CNTN5: variants seen among roughly 807,000 people sequenced by gnomAD.
CNTN5 encodes the protein contactin 5.
Under a neutral mutation model 129.1 loss-of-function variants are expected in CNTN5, and 77 were observed. That is an observed-to-expected ratio of 0.60 (90% CI 0.50 to 0.72). The LOEUF (loss-of-function observed/expected upper bound fraction) is 0.72, where lower values mean the gene tolerates loss of function less well. CNTN5 is among the 30% of genes least tolerant of loss of function. CNTN5 has a pLI of 0.00. For missense variants in CNTN5, 1,478 were observed against 1,328.8 expected (o/e 1.11, Z -1.75); for synonymous variants, 509 against 465.6 (o/e 1.09, Z -1.20).
At chr11:99,695,944 T>G (rs932030371) in intron 3 of CNTN5, among the ~76,000 whole-genome samples, 12 of 152,028 alleles carry the variant, frequency 7.9e-5, no homozygotes, top group African/African-American at 2.9e-4. Context: ...CATACAAAAG[T>G]TTTAAAATAA....
chr11:99,095,857 G>A (rs1490460938), intron 1 of CNTN5, among the ~76,000 whole-genome samples: 1 of 151,834 alleles, frequency 6.6e-6, no homozygotes, highest in Non-Finnish European at 1.5e-5. Context: ...AACTTACATT[G>A]AGAGACATGA....
At chr11:99,409,669 G>A (rs770348375) in intron 2 of CNTN5, among the ~76,000 whole-genome samples, 1 of 152,172 alleles carries the variant, frequency 6.6e-6, no homozygotes, top group African/African-American at 2.4e-5. Context: ...AAAACAAGGA[G>A]AGAAAAATAG....
chr11:99,824,015 C>T (rs765657519), intron 4 of CNTN5, among the ~76,000 whole-genome samples: 42 of 151,958 alleles, frequency 2.8e-4, no homozygotes, highest in Non-Finnish European at 5.6e-4. Flanking sequence ...ATTTCATTTC[C>T]TGTAAAGCAT....
chr11:99,927,692 AC>A (rs1425688538), intron 7 of CNTN5, among the ~76,000 whole-genome samples: 1 of 152,080 alleles, frequency 6.6e-6, no homozygotes, highest in Non-Finnish European at 1.5e-5. Flanking sequence ...ATTACCTCTC[AC>A]CAGGTCCCTC....
chr11:99,596,331 G>C (rs913359921), intron 3 of CNTN5, among the ~76,000 whole-genome samples: 3 of 152,184 alleles, frequency 2.0e-5, no homozygotes, highest in African/African-American at 7.2e-5. Flanking sequence ...TAATAGCATA[G>C]TAAGAGCAAG....
intron 6 of CNTN5, among the ~76,000 whole-genome samples, chr11:99,852,141 T>G (rs1229025820): frequency 6.6e-6 from 1 of 152,186 alleles, no homozygotes; most frequent in Non-Finnish European, 1.5e-5. Flanking sequence ...AACTTTATCT[T>G]CCATATACAA....
intron 16 of CNTN5, among the ~76,000 whole-genome samples, chr11:100,244,777 G>T (rs1591431901): frequency 6.6e-6 from 1 of 152,084 alleles, no homozygotes; most frequent in African/African-American, 2.4e-5. Flanking sequence ...AATCATTTAA[G>T]AAATTTTACT....
At chr11:99,262,503 T>C (rs1365359147) in intron 1 of CNTN5, among the ~76,000 whole-genome samples, 2 of 151,990 alleles carry the variant, frequency 1.3e-5, no homozygotes, top group Admixed American at 1.3e-4. Flanking sequence ...TTTTATTTTG[T>C]CTACTCTATA....
intron 3 of CNTN5, among the ~76,000 whole-genome samples, chr11:99,758,258 A>G (rs1944467228): frequency 6.6e-6 from 1 of 151,860 alleles, no homozygotes; most frequent in Non-Finnish European, 1.5e-5. Flanking sequence ...TTCTTTTTTT[A>G]TTTAATTGTT....
At chr11:99,617,003 C>T (rs1037777510) in intron 3 of CNTN5, among the ~76,000 whole-genome samples, 7 of 152,076 alleles carry the variant, frequency 4.6e-5, no homozygotes, top group South Asian at 2.1e-4. Context: ...CCCAGCTACT[C>T]GGGAGGCTGA....
rs185716173 is a variant in CNTN5, at chr11:99,823,605, C to A, written c.277+3840C>A. 2.6e-5 allele frequency among the ~76,000 whole-genome samples: 4 copies of A among 152,064 alleles called. No individual in the cohort carries two copies. The East Asian group carries it at 7.7e-4, about 29-fold the overall frequency. ...CATAGTTTATATTAAATGTATTATT[C>A]TTTATTCATTACATTAGAAATTGTC... On this transcript the variant is annotated intron_variant, in intron 4 of 24. Coordinates refer to ENST00000524871, the MANE Select transcript of CNTN5 (RefSeq NM_014361.4).
intron 1 of CNTN5, among the ~76,000 whole-genome samples, chr11:99,167,883 A>G (rs899701166): frequency 2.2e-4 from 34 of 152,136 alleles, no homozygotes; most frequent in African/African-American, 8.2e-4. Context: ...ACAACATAAA[A>G]TTTAAAAAAT....
intron 7 of CNTN5, among the ~76,000 whole-genome samples, chr11:99,932,104 C>G (rs903857693): frequency 6.6e-6 from 1 of 152,108 alleles, no homozygotes; most frequent in Non-Finnish European, 1.5e-5. Flanking sequence ...TCATTTTTTT[C>G]AGCTTCCTTG....
At chr11:99,072,786 T>C (rs1342684452) in intron 1 of CNTN5, among the ~76,000 whole-genome samples, 2 of 152,154 alleles carry the variant, frequency 1.3e-5, no homozygotes, top group Non-Finnish European at 2.9e-5. Context: ...ATTCAATGAA[T>C]GTTTACATAT....
intron 3 of CNTN5, among the ~76,000 whole-genome samples, chr11:99,629,114 C>T (rs1477370363): frequency 2.6e-5 from 4 of 151,950 alleles, no homozygotes; most frequent in African/African-American, 4.8e-5. Flanking sequence ...CCAGAAATTA[C>T]AGGCCTACTA....
intron 6 of CNTN5, among the ~76,000 whole-genome samples, chr11:99,874,596 T>A (rs1450747575): frequency 6.6e-6 from 1 of 152,208 alleles, no homozygotes; most frequent in Non-Finnish European, 1.5e-5. Flanking sequence ...CTATCATTTA[T>A]CTTTTTATTT....
intron 9 of CNTN5, among the ~76,000 whole-genome samples, chr11:100,044,637 A>G (rs1942569092): frequency 6.6e-6 from 1 of 151,698 alleles, no homozygotes; most frequent in Admixed American, 6.6e-5. Flanking sequence ...TTTTTGAAAA[A>G]TGTCTATGCA....
At chr11:99,030,534 G>C (rs372849146) in intron 1 of CNTN5, among the ~76,000 whole-genome samples, 2 of 152,030 alleles carry the variant, frequency 1.3e-5, no homozygotes, top group Admixed American at 1.3e-4. Flanking sequence ...GAAAAGGGAT[G>C]TCCTTCATTT....
intron 6 of CNTN5, among the ~76,000 whole-genome samples, chr11:99,853,780 A>G (rs1405705917): frequency 1.3e-5 from 2 of 152,014 alleles, no homozygotes; most frequent in East Asian, 1.9e-4. Context: ...ACCCCCTTTA[A>G]TCCTCACATC....
Sources: gnomAD v4.1 joint callset for allele counts (sites outside exome capture counted in the v4.1 genomes callset) on GRCh38, gnomAD v4.1.1 for gene constraint, MANE v1.5 for transcripts, NCBI Gene and HGNC (gene_info 2026-07-23, HGNC 2026-07-21) for gene names.